Variants in C12orf54 observed in about 807,000 individuals in gnomAD.
The protein encoded by C12orf54 is uncharacterized protein C12orf54.
C12orf54 carries 24 observed loss-of-function variants against 26.4 expected under a neutral mutation model. The ratio of observed to expected loss-of-function variants is 0.91; its 90% CI spans 0.66 to 1.28. C12orf54 has a LOEUF of 1.28. C12orf54 is among the 50% of genes most tolerant of loss of function. The pLI is 0.00. For missense variants in C12orf54, 154 were observed against 150.9 expected, an observed-to-expected ratio of 1.02 and a Z score of -0.11; for synonymous variants, 54 against 47.0, an observed-to-expected ratio of 1.15 and a Z score of -0.61.
At chr12:48,481,993 T>A (rs1565569583), upstream of C12orf54, among the ~76,000 whole-genome samples, 1 of 152,206 alleles carries the variant, frequency 6.6e-6, no homozygotes, top group Non-Finnish European at 1.5e-5. Flanking sequence ...CTACACCTAA[T>A]GCCTCTTCCC....
At chr12:48,457,523 G>A in the C12orf54 span, among the ~76,000 whole-genome samples, 4 of 151,914 alleles carry the variant, frequency 2.6e-5, no homozygotes, top group South Asian at 2.1e-4. Context: ...TAGTAGAGAC[G>A]GGTTTTCACC....
At chr12:48,456,884 C>T in the C12orf54 span, among the ~76,000 whole-genome samples, 19 of 152,130 alleles carry the variant, frequency 1.2e-4, no homozygotes, top group South Asian at 1.0e-3. Context: ...CACCAAAGTA[C>T]GAAAAGTGTG....
the C12orf54 span, among the ~76,000 whole-genome samples, chr12:48,443,158 C>T: frequency 1.6e-4 from 25 of 152,284 alleles, no homozygotes; most frequent in Middle Eastern, 0.01. Context: ...CTTAGATTCT[C>T]TCTCTCTCTA....
chr12:48,492,404 T>G (rs1216862347), intron 6 of C12orf54, among the ~76,000 whole-genome samples: 2 of 152,192 alleles, frequency 1.3e-5, no homozygotes, highest in Non-Finnish European at 2.9e-5. Context: ...AGCTTACCTC[T>G]GCTTAGAGAA....
At chr12:48,463,736 T>C in the C12orf54 span, among the ~76,000 whole-genome samples, 2 of 152,030 alleles carry the variant, frequency 1.3e-5, no homozygotes, top group African/African-American at 4.8e-5. Context: ...ACCACCATGA[T>C]CAAGTAGGCT....
the C12orf54 span, among the ~76,000 whole-genome samples, chr12:48,466,156 A>C: frequency 2.6e-5 from 4 of 152,350 alleles, no homozygotes; most frequent in South Asian, 8.3e-4. Flanking sequence ...TTGAATCCAG[A>C]ATAAACAAAC....
chr12:48,459,767 G>T, the C12orf54 span, among the ~76,000 whole-genome samples: 2 of 152,184 alleles, frequency 1.3e-5, no homozygotes, highest in African/African-American at 4.8e-5. Context: ...GAGAAACCAG[G>T]TGCAAGTTTC....
the C12orf54 span, among the ~76,000 whole-genome samples, chr12:48,471,530 G>C: frequency 3.3e-5 from 5 of 152,268 alleles, no homozygotes; most frequent in African/African-American, 1.2e-4. Context: ...TATGGTGAAA[G>C]GTAAGGGTCT....
the C12orf54 span, among the ~76,000 whole-genome samples, chr12:48,470,755 A>C: frequency 6.6e-6 from 1 of 152,098 alleles, no homozygotes; most frequent in Non-Finnish European, 1.5e-5. Flanking sequence ...TGATGTCAAC[A>C]AGGGCATTTC....
At chr12:48,451,562 C>A in the C12orf54 span, among the ~76,000 whole-genome samples, 1 of 152,174 alleles carries the variant, frequency 6.6e-6, no homozygotes, top group African/African-American at 2.4e-5. Context: ...TCTTTGTTTG[C>A]AGATGGCATA....
chr12:48,431,787 T>C, the C12orf54 span, among the ~76,000 whole-genome samples: 1 of 152,168 alleles, frequency 6.6e-6, no homozygotes, highest in Admixed American at 6.5e-5. Flanking sequence ...TAAAAAGTAG[T>C]TTAGTGGAAT....
the C12orf54 span, among the ~76,000 whole-genome samples, chr12:48,439,318 A>G: frequency 1.3e-5 from 2 of 152,202 alleles, no homozygotes; most frequent in African/African-American, 4.8e-5. Flanking sequence ...AAATAGTTCA[A>G]CCCTTGTGGA....
chr12:48,485,554 G>A (rs974657671), intron 2 of C12orf54, among the ~76,000 whole-genome samples: 4 of 152,104 alleles, frequency 2.6e-5, no homozygotes, highest in African/African-American at 9.7e-5. Flanking sequence ...TGGTTGCCCC[G>A]ATTTCACTCA....
chr12:48,440,529 C>T, the C12orf54 span, among the ~76,000 whole-genome samples: 183 of 152,298 alleles, frequency 1.2e-3, 1 homozygote, highest in East Asian at 0.025. Context: ...CTGCCCAGTC[C>T]TTCCTCTGCC....
intron 6 of C12orf54, among the ~76,000 whole-genome samples, chr12:48,492,177 C>T (rs1727162740): frequency 6.6e-6 from 1 of 152,050 alleles, no homozygotes; most frequent in Admixed American, 6.6e-5. Flanking sequence ...CTTTTTCAGC[C>T]CCGCAGCAAA....
intron 5 of C12orf54, chr12:48,489,171 A>G: frequency 2.8e-6 from 2 of 716,930 alleles, no homozygotes; most frequent in Non-Finnish European, 2.6e-6. Context: ...ATGTGATAAT[A>G]CAAACAGAAA....
At chr12:48,421,347 T>C in the C12orf54 span, among the ~76,000 whole-genome samples, 1 of 49,622 alleles carries the variant, frequency 2.0e-5, no homozygotes. Context: ...TTTTCAACAA[T>C]AAAGTAGCAA....
chr12:48,470,351 C>T, the C12orf54 span, among the ~76,000 whole-genome samples: 11 of 152,200 alleles, frequency 7.2e-5, no homozygotes, highest in Admixed American at 1.3e-4. Flanking sequence ...GCCTCACCAA[C>T]ATCTGTTATT....
the C12orf54 span, among the ~76,000 whole-genome samples, chr12:48,451,520 G>A: frequency 4.6e-5 from 7 of 152,120 alleles, no homozygotes; most frequent in Non-Finnish European, 1.0e-4. Flanking sequence ...AGAAATAAGG[G>A]ATATTCAAAT....
Sources: allele counts gnomAD v4.1 joint callset (sites outside exome capture counted in the v4.1 genomes callset), GRCh38; gene constraint gnomAD v4.1.1; transcripts MANE v1.5; gene names NCBI Gene and HGNC (gene_info 2026-07-23, HGNC 2026-07-21).